Variants in EIF4E observed in about 807,000 individuals in gnomAD.
EIF4E encodes eukaryotic translation initiation factor 4E.
For missense variants in EIF4E, 113 were observed against 265.6 expected, an observed-to-expected ratio of 0.43 and a Z score of 3.99; for synonymous variants, 71 against 88.5, an observed-to-expected ratio of 0.80 and a Z score of 1.11.
chr4:98,927,205 T>A (rs1158963259), intron 1 of EIF4E, among the ~76,000 whole-genome samples: 2 of 152,092 alleles, frequency 1.3e-5, no homozygotes, highest in African/African-American at 2.4e-5. Context: ...TCAATTTAAT[T>A]CCCAGGAACA....
At chr4:98,885,141 T>C (rs1334045472) in intron 5 of EIF4E, 80 bp from the exon 6 acceptor site, 7 of 1,497,434 alleles carry the variant, frequency 4.7e-6, no homozygotes, top group South Asian at 3.7e-5. Context: ...TGTATTTGCA[T>C]AGAAACTAAA....
In EIF4E at chr4:98,887,225, C is replaced by A; in HGVS notation, c.286-33G>T. On this transcript the variant is annotated intron_variant, in intron 4 of 6. Transcript: ENST00000450253. This position sits in a 1 kb window ranked among gnomAD's most constrained non-coding sequence, Gnocchi z 4.0. Reference sequence around the variant, plus strand: ...GTTAGAAGACAACAGTATTACACAACATTGTTACCTTGACTTTGAGAGATA... The same window carrying A: ...GTTAGAAGACAACAGTATTACACAAAATTGTTACCTTGACTTTGAGAGATA... The A allele has an allele frequency of 1.3e-6, 2 of 1,593,016 alleles. No homozygotes were observed. The highest frequency in any genetic ancestry group is 1.7e-6 in the Non-Finnish European group (2 of 1,160,950).
At chr4:98,911,586 G>A (rs1273871424) in intron 1 of EIF4E, among the ~76,000 whole-genome samples, 3 of 146,296 alleles carry the variant, frequency 2.1e-5, no homozygotes, top group Non-Finnish European at 4.5e-5. Flanking sequence ...GCTTGAACCC[G>A]GGAGGCAGAG....
chr4:98,881,420 T>C (rs1215833457), intron 6 of EIF4E, among the ~76,000 whole-genome samples: 1 of 151,702 alleles, frequency 6.6e-6, no homozygotes, highest in Non-Finnish European at 1.5e-5. Flanking sequence ...TTATTTATTA[T>C]GATACTATAA....
At chr4:98,891,112 A>T in intron 3 of EIF4E, 125 bp downstream of exon 3, 1 of 1,030,916 alleles carries the variant, frequency 9.7e-7, no homozygotes, top group Non-Finnish European at 1.5e-6. Context: ...TTGTGAGGAG[A>T]TAAAAAAATA....
chr4:98,922,950 C>T (rs1725714860), intron 1 of EIF4E, among the ~76,000 whole-genome samples: 1 of 150,546 alleles, frequency 6.6e-6, no homozygotes, highest in Admixed American at 6.7e-5. Context: ...CAGGTTCAAA[C>T]GATTCTTCTG....
At chr4:98,881,744 C>G (rs1723700276) in intron 6 of EIF4E, among the ~76,000 whole-genome samples, 1 of 152,136 alleles carries the variant, frequency 6.6e-6, no homozygotes, top group East Asian at 1.9e-4. Flanking sequence ...GAATGAAACA[C>G]TTCGAGGGAG....
intron 1 of EIF4E, among the ~76,000 whole-genome samples, chr4:98,906,039 T>C (rs974457603): frequency 6.6e-6 from 1 of 152,220 alleles, no homozygotes; most frequent in Non-Finnish European, 1.5e-5. Flanking sequence ...TCCAAAACCA[T>C]GATGTGCTTT....
intron 1 of EIF4E, chr4:98,903,359 G>GT (rs1724728257): frequency 2.2e-5 from 9 of 414,426 alleles, no homozygotes; most frequent in East Asian, 7.0e-5. Flanking sequence ...AAAGAATATG[G>GT]GTTTTTTTTT....
intron 1 of EIF4E, among the ~76,000 whole-genome samples, chr4:98,928,249 G>T (rs759852923): frequency 3.3e-5 from 5 of 151,824 alleles, no homozygotes; most frequent in Non-Finnish European, 7.4e-5. Context: ...CAAGCCGACC[G>T]GCTACAGCGA....
intron 1 of EIF4E, among the ~76,000 whole-genome samples, chr4:98,921,256 C>T (rs900439725): frequency 6.6e-6 from 1 of 152,002 alleles, no homozygotes; most frequent in Non-Finnish European, 1.5e-5. Flanking sequence ...ACTTTCTTGC[C>T]TTAGTTAATA....
intron 2 of EIF4E, among the ~76,000 whole-genome samples, chr4:98,901,037 T>C (rs1724623418): frequency 6.6e-6 from 1 of 152,214 alleles, no homozygotes; most frequent in Admixed American, 6.5e-5. Flanking sequence ...CTATGGAACC[T>C]TACTAAAAAA....
At chr4:98,915,572 GCT>G (rs1349647772) in intron 1 of EIF4E, among the ~76,000 whole-genome samples, 2 of 147,592 alleles carry the variant, frequency 1.4e-5, no homozygotes, top group Middle Eastern at 6.8e-3. Context: ...ACAGAGTCTT[GCT>G]CTGTCACCCA....
intron 1 of EIF4E, among the ~76,000 whole-genome samples, chr4:98,927,682 A>C (rs1356201921): frequency 7.3e-6 from 1 of 137,898 alleles, no homozygotes; most frequent in Non-Finnish European, 1.5e-5. Flanking sequence ...AAAAAAAAAA[A>C]AAAAGTCTTT....
rs1262895349 is a variant in EIF4E at position 98,887,879 on chromosome 4, T to A, written c.285+10A>T. 1.2e-6 allele frequency: 2 copies of A among 1,610,984 alleles called. No homozygotes were observed. The highest frequency in any genetic ancestry group is 8.5e-7 in the Non-Finnish European group (1 of 1,177,910). ...TATAATAAATATATAAAATCACCAATTAAGCATACCTTAAAAAGTGAGTAG... is the reference window on the plus strand; with the variant it reads ...TATAATAAATATATAAAATCACCAAATAAGCATACCTTAAAAAGTGAGTAG... On this transcript the variant is annotated intron_variant, in intron 4 of 6. Transcript: ENST00000450253. This position sits in a 1 kb window ranked among gnomAD's most constrained non-coding sequence, Gnocchi z 4.0.
chr4:98,919,043 T>G (rs1370773729), intron 1 of EIF4E, among the ~76,000 whole-genome samples: 1 of 152,116 alleles, frequency 6.6e-6, no homozygotes, highest in East Asian at 1.9e-4. Flanking sequence ...GTGTGGTGGC[T>G]CATGCCTGTA....
intron 2 of EIF4E, among the ~76,000 whole-genome samples, chr4:98,896,144 C>T (rs1054525897): frequency 1.3e-5 from 2 of 151,144 alleles, no homozygotes; most frequent in Admixed American, 6.6e-5. Flanking sequence ...TGCAGTGAGC[C>T]GAGATCGCAC....
chr4:98,891,354 C>CA (rs1179623382), intron 2 of EIF4E, 22 bp from the exon 3 acceptor site: 1 of 1,600,634 alleles, frequency 6.2e-7, no homozygotes, highest in Non-Finnish European at 8.5e-7. Flanking sequence ...AAATCAGTGT[C>CA]AAAAAATGGT....
chr4:98,910,910 A>G lies in EIF4E; in HGVS notation c.19-8928T>C, dbSNP rs1363759712. On this transcript the variant is annotated intron_variant, in intron 1 of 6. Coordinates refer to ENST00000450253, the MANE Select transcript of EIF4E (RefSeq NM_001968.5). ...ACACCTGGCTAATTATTTGTATTTT[A>G]AGTAGAGACGAGGTTTCACCACTTT... Among the ~76,000 whole-genome samples the G allele has an allele frequency of 4.0e-5, 6 of 151,550 alleles. 1 individual carries two copies. Among genetic ancestry groups the G allele is most frequent in the Admixed American group, 3.9e-4 (6 of 15,212 alleles).
Sources: allele counts gnomAD v4.1 joint callset (sites outside exome capture counted in the v4.1 genomes callset), GRCh38; gene constraint gnomAD v4.1.1; non-coding constraint Gnocchi (gnomAD v3.1); transcripts MANE v1.5; gene names NCBI Gene and HGNC (gene_info 2026-07-23, HGNC 2026-07-21).